Variants in WDR7 observed in about 807,000 individuals in gnomAD.
WDR7 encodes WD repeat domain 7.
Under a neutral mutation model 169.4 loss-of-function variants are expected in WDR7, and 46 were observed. The observed-to-expected ratio is 0.27, with a 90% CI of 0.21 to 0.35. The LOEUF (loss-of-function observed/expected upper bound fraction) is 0.35. Ranked by LOEUF, WDR7 falls within the 10% of genes least tolerant of loss-of-function variation. The pLI is 1.00. For missense variants in WDR7, 1,534 were observed against 1,859.3 expected (o/e 0.83, Z 3.22); for synonymous variants, 612 against 666.8 (o/e 0.92, Z 1.27).
intron 4 of WDR7, among the ~76,000 whole-genome samples, chr18:56,682,208 C>T (rs755815098): frequency 1.3e-5 from 2 of 152,078 alleles, no homozygotes; most frequent in Non-Finnish European, 2.9e-5. Flanking sequence ...GAACATCAAT[C>T]ATCCTTCTAA....
rs147874230 is a variant in WDR7 at position 56,736,582 on chromosome 18, G to A, written c.1989+4985G>A. ...AGACGGATTCTAGATCACACATACCGTTGAAAACAAAAGTAAAAGGTCTAC... is the reference window on the plus strand; with the variant it reads ...AGACGGATTCTAGATCACACATACCATTGAAAACAAAAGTAAAAGGTCTAC... On this transcript the variant is annotated intron_variant, in intron 14 of 27. Transcript: ENST00000254442. Among the ~76,000 whole-genome samples the A allele has an allele frequency of 3.3e-3, 493 of 150,864 alleles. 4 individuals carry two copies. Among genetic ancestry groups the A allele is most frequent in the East Asian group, 0.031 (162 of 5,162 alleles).
chr18:56,968,644 G>A (rs920802078), intron 26 of WDR7, among the ~76,000 whole-genome samples: 4 of 152,246 alleles, frequency 2.6e-5, no homozygotes, highest in Middle Eastern at 3.4e-3. Flanking sequence ...CTCTAATCCC[G>A]TATAGAGCAG....
chr18:57,012,819 T>C (rs1488570958), intron 26 of WDR7, among the ~76,000 whole-genome samples: 1 of 152,232 alleles, frequency 6.6e-6, no homozygotes, highest in Admixed American at 6.5e-5. Context: ...CCAGACTGCC[T>C]GGATTCTAAC....
intron 13 of WDR7, among the ~76,000 whole-genome samples, chr18:56,728,995 C>T (rs942061412): frequency 3.2e-4 from 49 of 152,174 alleles, no homozygotes; most frequent in African/African-American, 1.2e-3. Context: ...ACTTTGGGCT[C>T]GGTTGTTCAG....
At chr18:56,920,676 T>C (rs1401509880) in intron 21 of WDR7, among the ~76,000 whole-genome samples, 1 of 152,216 alleles carries the variant, frequency 6.6e-6, no homozygotes, top group Non-Finnish European at 1.5e-5. Flanking sequence ...TACTGTGGAA[T>C]AGTGGTCCAT....
intron 7 of WDR7, among the ~76,000 whole-genome samples, chr18:56,690,433 G>T (rs1025526870): frequency 3.3e-5 from 5 of 152,128 alleles, no homozygotes; most frequent in Non-Finnish European, 5.9e-5. Flanking sequence ...GTTAACTATA[G>T]TATTTTAGAA....
At chr18:57,003,744 G>A (rs1400032288) in intron 26 of WDR7, among the ~76,000 whole-genome samples, 11 of 151,988 alleles carry the variant, frequency 7.2e-5, no homozygotes, top group Admixed American at 1.3e-4. Context: ...TGTTCACAGT[G>A]CATATTCACA....
chr18:56,946,706 C>T (rs1431207862), intron 25 of WDR7, among the ~76,000 whole-genome samples: 1 of 151,796 alleles, frequency 6.6e-6, no homozygotes, highest in Non-Finnish European at 1.5e-5. Flanking sequence ...TGTATATGTA[C>T]CTAAGTACAT....
chr18:56,799,525 G>A (rs1331054520), intron 19 of WDR7, among the ~76,000 whole-genome samples: 1 of 151,994 alleles, frequency 6.6e-6, no homozygotes, highest in African/African-American at 2.4e-5. Flanking sequence ...TCATAAAAGA[G>A]CTGACAACAC....
At chr18:56,953,221 A>G (rs2047206452) in intron 25 of WDR7, among the ~76,000 whole-genome samples, 1 of 152,218 alleles carries the variant, frequency 6.6e-6, no homozygotes. Context: ...CGTATTTTTA[A>G]AAAAGCATAT....
At chr18:56,925,873 GCCC>G (rs1433383874) in intron 22 of WDR7, among the ~76,000 whole-genome samples, 1 of 152,142 alleles carries the variant, frequency 6.6e-6, no homozygotes, top group Non-Finnish European at 1.5e-5. Context: ...CTAGCCGTAT[GCCC>G]TCCAGCAAAT....
intron 20 of WDR7, among the ~76,000 whole-genome samples, chr18:56,825,966 C>T (rs2045195232): frequency 7.2e-6 from 1 of 139,438 alleles, no homozygotes. Context: ...TTCGCATTAA[C>T]TATTATATAT....
chr18:56,696,976 C>A lies in WDR7; in HGVS notation c.1578+514C>A, dbSNP rs1405108248. On this transcript the variant is annotated intron_variant, in intron 12 of 27. Transcript: ENST00000254442. ...AAATTTCATACATACCTTTGTGGAA[C>A]CAGATTGCTTTCTGATGCATTTTAA... is the stretch of plus-strand genomic sequence containing the variant. Among the ~76,000 whole-genome samples, 3 of 152,124 alleles carry A rather than the reference C, an allele frequency of 2.0e-5. 1 individual carries two copies. The East Asian group carries it at 5.8e-4, about 29-fold the overall frequency.
intron 21 of WDR7, among the ~76,000 whole-genome samples, chr18:56,919,904 A>G (rs8096585): frequency 0.012 from 1,821 of 152,254 alleles, 42 homozygotes; most frequent in African/African-American, 0.042. Flanking sequence ...ATGTGATCAG[A>G]TCTCTCCTTT....
chr18:56,879,782 C>T (rs1033341074), intron 20 of WDR7, among the ~76,000 whole-genome samples, 162 bp from the exon 21 acceptor site: 2 of 151,248 alleles, frequency 1.3e-5, no homozygotes, highest in Admixed American at 6.6e-5. Context: ...AGATAGGGGT[C>T]TGTCTAAATT....
At chr18:56,759,759 A>C (rs887863477) in intron 16 of WDR7, among the ~76,000 whole-genome samples, 3 of 152,142 alleles carry the variant, frequency 2.0e-5, no homozygotes, top group Non-Finnish European at 2.9e-5. Flanking sequence ...TTTCTTCCCT[A>C]CTTTTTTTTA....
chr18:56,800,416 C>T (rs1424055457), intron 19 of WDR7, among the ~76,000 whole-genome samples: 1 of 152,104 alleles, frequency 6.6e-6, no homozygotes, highest in African/African-American at 2.4e-5. Flanking sequence ...CATGCATGTG[C>T]TTACTTAGTT....
chr18:56,787,925 CG>C (rs773257436), intron 19 of WDR7, among the ~76,000 whole-genome samples: 36 of 152,054 alleles, frequency 2.4e-4, no homozygotes, highest in Non-Finnish European at 4.4e-4. Context: ...AGGAAGAGGA[CG>C]GGGGGAAGGA....
intron 25 of WDR7, among the ~76,000 whole-genome samples, chr18:56,959,484 T>G (rs989512575): frequency 5.3e-5 from 8 of 152,176 alleles, no homozygotes; most frequent in African/African-American, 1.7e-4. Context: ...CTTCACAGTT[T>G]CCTTGTGGTC....
Sources: gnomAD v4.1 joint callset for allele counts (sites outside exome capture counted in the v4.1 genomes callset) on GRCh38, gnomAD v4.1.1 for gene constraint, MANE v1.5 for transcripts, NCBI Gene and HGNC (gene_info 2026-07-23, HGNC 2026-07-21) for gene names.